PCDH7: variants seen among roughly 807,000 people sequenced by gnomAD.
PCDH7 encodes protocadherin-7.
In PCDH7, 17 loss-of-function variants were observed where a neutral mutation model predicts 58.9. The observed-to-expected ratio is 0.29, with a 90% CI of 0.20 to 0.43. The LOEUF is 0.43. Ranked by LOEUF, PCDH7 falls within the 20% of genes least tolerant of loss-of-function variation. PCDH7 has a pLI of 1.00. For missense variants in PCDH7, 1,274 were observed against 1,441.0 expected (o/e 0.88, Z 1.88); for synonymous variants, 664 against 616.4 (o/e 1.08, Z -1.14).
At chr4:30,790,982 G>C (rs1215338514) in intron 1 of PCDH7, among the ~76,000 whole-genome samples, 1 of 151,992 alleles carries the variant, frequency 6.6e-6, no homozygotes, top group African/African-American at 2.4e-5. Flanking sequence ...ACATGCTGTA[G>C]ACAGAAAAAA....
chr4:30,971,216 A>G (rs1749554027), intron 3 of PCDH7, among the ~76,000 whole-genome samples: 1 of 152,206 alleles, frequency 6.6e-6, no homozygotes, highest in Non-Finnish European at 1.5e-5. Context: ...AACGAAATGC[A>G]TATATAATAA....
intron 2 of PCDH7, among the ~76,000 whole-genome samples, chr4:30,926,655 T>C (rs1743914979): frequency 6.6e-6 from 1 of 152,220 alleles, no homozygotes; most frequent in Admixed American, 6.5e-5. Context: ...GTAGTACTCA[T>C]GACTAGTGAC....
At chr4:31,019,701 A>G (rs2109166785) in intron 3 of PCDH7, among the ~76,000 whole-genome samples, 1 of 151,884 alleles carries the variant, frequency 6.6e-6, no homozygotes, top group Non-Finnish European at 1.5e-5. Context: ...AAAAAAAAAG[A>G]AATAGGATTT....
At chr4:30,911,951 G>A (rs142237068) in intron 1 of PCDH7, among the ~76,000 whole-genome samples, 1 of 152,066 alleles carries the variant, frequency 6.6e-6, no homozygotes, top group East Asian at 1.9e-4. Context: ...ACTGGACTAA[G>A]AATTATAATA....
intron 1 of PCDH7, among the ~76,000 whole-genome samples, chr4:30,777,949 T>C (rs1722285944): frequency 6.6e-6 from 1 of 152,172 alleles, no homozygotes; most frequent in African/African-American, 2.4e-5. Context: ...GATTGCCATT[T>C]TTATATATGG....
chr4:30,801,966 T>A (rs1220164777), intron 1 of PCDH7, among the ~76,000 whole-genome samples: 1 of 152,158 alleles, frequency 6.6e-6, no homozygotes. Context: ...AAGGGTAACA[T>A]TTTTTGACTA....
At chr4:30,798,238 C>G (rs1037385121) in intron 1 of PCDH7, among the ~76,000 whole-genome samples, 4 of 152,154 alleles carry the variant, frequency 2.6e-5, no homozygotes, top group African/African-American at 9.7e-5. Context: ...GAGGTCTTTA[C>G]AGACAGGGGA....
chr4:30,823,158 G>C (rs899699128), intron 1 of PCDH7, among the ~76,000 whole-genome samples: 2 of 152,130 alleles, frequency 1.3e-5, no homozygotes, highest in Non-Finnish European at 2.9e-5. Flanking sequence ...TTGCTTCGCA[G>C]GGTTGATAAC....
In PCDH7 at chr4:30,761,311, G is replaced by A. The variant is rs546826179; in HGVS notation, c.70+36715G>A. Among the ~76,000 whole-genome samples the A allele has an allele frequency of 1.4e-4, 22 of 152,160 alleles. 1 individual carries two copies. The South Asian group carries it at 3.7e-3, about 26-fold the overall frequency. ...CTTTCACTTTTACAAAGTACACTGG[G>A]CTCTTCTTATGAAAATACTCTAGAG... On this transcript the variant is annotated intron_variant, in intron 1 of 3. Coordinates refer to the PCDH7 transcript ENST00000509759.
At chr4:31,005,504 G>GA (rs893951878) in intron 3 of PCDH7, among the ~76,000 whole-genome samples, 24 of 151,842 alleles carry the variant, frequency 1.6e-4, no homozygotes, top group Non-Finnish European at 3.1e-4. Context: ...TTTCATGTGT[G>GA]AAAAAAAAGA....
intron 1 of PCDH7, among the ~76,000 whole-genome samples, chr4:30,913,898 C>G (rs1742081438): frequency 6.6e-6 from 1 of 152,156 alleles, no homozygotes; most frequent in South Asian, 2.1e-4. Flanking sequence ...CCACAGCAGT[C>G]AATTTAATAA....
At chr4:30,942,721 T>A (rs137987760) in intron 2 of PCDH7, among the ~76,000 whole-genome samples, 59 of 152,188 alleles carry the variant, frequency 3.9e-4, no homozygotes, top group African/African-American at 1.3e-3. Flanking sequence ...AAATTTGAAT[T>A]CTTACTACAT....
At chr4:30,943,589 C>G in intron 2 of PCDH7, among the ~76,000 whole-genome samples, 1 of 152,236 alleles carries the variant, frequency 6.6e-6, no homozygotes, top group South Asian at 2.1e-4. Context: ...TAACCTCTTT[C>G]GCCTGCATCT....
intron 3 of PCDH7, among the ~76,000 whole-genome samples, chr4:31,009,608 G>GTT (rs576233848): frequency 6.6e-6 from 1 of 151,670 alleles, no homozygotes; most frequent in African/African-American, 2.4e-5. Flanking sequence ...ATTTTCAACT[G>GTT]TTTTTTTGTT....
At chr4:30,914,957 A>G (rs1290947714) in intron 1 of PCDH7, among the ~76,000 whole-genome samples, 2 of 152,194 alleles carry the variant, frequency 1.3e-5, no homozygotes, top group Non-Finnish European at 2.9e-5. Flanking sequence ...ACACATACAC[A>G]CACATACCCC....
At chr4:30,775,363 G>A (rs946178599) in intron 1 of PCDH7, among the ~76,000 whole-genome samples, 1 of 152,118 alleles carries the variant, frequency 6.6e-6, no homozygotes, top group African/African-American at 2.4e-5. Flanking sequence ...GATAAATATT[G>A]TATATCTAAA....
chr4:30,961,987 A>T (rs1748477939), intron 3 of PCDH7, among the ~76,000 whole-genome samples: 1 of 152,274 alleles, frequency 6.6e-6, no homozygotes. Flanking sequence ...ACAAAGTAAT[A>T]TTTTTTTCAT....
At chr4:30,990,071 T>C (rs1751335748) in intron 3 of PCDH7, among the ~76,000 whole-genome samples, 1 of 152,070 alleles carries the variant, frequency 6.6e-6, no homozygotes, top group Non-Finnish European at 1.5e-5. Context: ...ATTACACTAA[T>C]AAATATTGAG....
chr4:30,749,331 G>A (rs965350638), intron 1 of PCDH7, among the ~76,000 whole-genome samples: 12 of 152,074 alleles, frequency 7.9e-5, no homozygotes, highest in African/African-American at 2.9e-4. Context: ...CTTAAAGTCC[G>A]ATAGCAGTCT....
Sources: allele counts gnomAD v4.1 joint callset (sites outside exome capture counted in the v4.1 genomes callset), GRCh38; gene constraint gnomAD v4.1.1; transcripts MANE v1.5; gene names NCBI Gene and HGNC (gene_info 2026-07-23, HGNC 2026-07-21).